The following RBBP4 variants were observed in gnomAD, a reference collection of about 807,000 sequenced individuals.
RBBP4 encodes RB binding protein 4, chromatin remodeling factor.
A neutral mutation model predicts 57.2 loss-of-function variants in RBBP4; 3 were observed. The ratio of observed to expected loss-of-function variants is 0.05; its 90% CI spans 0.02 to 0.14. The LOEUF (loss-of-function observed/expected upper bound fraction) is 0.14. RBBP4 is among the 10% of genes least tolerant of loss of function. The probability of loss-of-function intolerance (pLI) is 1.00; values close to 1 mark genes in which losing one functional copy is unlikely to be tolerated. For synonymous variants in RBBP4, 151 were observed against 171.5 expected (o/e 0.88, Z 0.93); for missense variants, 107 against 520.6 (o/e 0.21, Z 7.73).
intron 8 of RBBP4, among the ~76,000 whole-genome samples, chr1:32,670,994 C>G (rs1387075315): frequency 2.6e-5 from 4 of 152,118 alleles, no homozygotes; most frequent in African/African-American, 9.7e-5. Flanking sequence ...TGGACAGAAT[C>G]CAAATTCTTC....
Position 32,661,870 on chromosome 1 carries a change from C to CTTTTTTTTTTTTTTTTT in RBBP4, c.310+4318_310+4334dup, listed in dbSNP as rs71006354. 4.1e-5 allele frequency among the ~76,000 whole-genome samples: 2 copies of CTTTTTTTTTTTTTTTTT among 49,308 alleles called. 1 individual carries two copies. The highest frequency in any genetic ancestry group is 1.8e-4 in the African/African-American group (2 of 11,078). The allele number at this position is 49,308 out of a possible 152,430, so 32.3% of individuals were successfully genotyped here. On this transcript the variant is annotated intron_variant, in intron 3 of 11. Coordinates refer to ENST00000373493, the MANE Select transcript of RBBP4 (RefSeq NM_005610.3). ...AGTGTCTGTTCATGTCCTTTGCCCA[C>CTTTTTTTTTTTTTTTTT]TTTTTTTTTTTTTTTTTTTTTTTTT...
rs755014600 is a variant in RBBP4, at chr1:32,684,228, G to C, written c.*4523G>C. 6.2e-6 allele frequency: 10 copies of C among 1,613,746 alleles called. No individual in the cohort carries two copies. Among genetic ancestry groups the C allele is most frequent in the African/African-American group, 1.3e-5 (1 of 74,922 alleles). ...CCCACCATCCCCTCAGCCAGTATTA[G>C]ATGAGATTTGTATAGCAGCAGAAAC... On this transcript the variant is annotated 3_prime_UTR_variant, in exon 12 of 12. Coordinates refer to ENST00000373493, the MANE Select transcript of RBBP4 (RefSeq NM_005610.3).
In RBBP4 at chr1:32,680,542, A is replaced by G. The variant is rs1420301947; in HGVS notation, c.*837A>G. ...TTTTTTTAGGAGTTAGTCCTTGACC[A>G]CTAGTTTGATGCCATCTCCATTTTG... On this transcript the variant is annotated 3_prime_UTR_variant, in exon 12 of 12. Coordinates refer to ENST00000373493, the MANE Select transcript of RBBP4 (RefSeq NM_005610.3). The G allele has an allele frequency of 3.9e-6, 6 of 1,540,478 alleles. No homozygotes were observed. The highest frequency in any genetic ancestry group is 5.3e-6 in the Non-Finnish European group (6 of 1,140,116).
chr1:32,651,693 G>A, intron 1 of RBBP4: 3 of 763,736 alleles, frequency 3.9e-6, no homozygotes, highest in Non-Finnish European at 4.1e-6. Flanking sequence ...CGAAGGCCTG[G>A]CTGGCCCCTT....
chr1:32,659,092 A>G (rs1348165567), intron 3 of RBBP4, among the ~76,000 whole-genome samples: 2 of 147,576 alleles, frequency 1.4e-5, no homozygotes. Context: ...ATGTGTATAT[A>G]TTTATATTGT....
intron 1 of RBBP4, 168 bp downstream of exon 1, chr1:32,651,490 C>T (rs1054268045): frequency 3.7e-6 from 5 of 1,361,770 alleles, no homozygotes; most frequent in East Asian, 2.9e-5. Context: ...TCGCCAGTTC[C>T]CTGGGACCGA....
At chr1:32,666,695 G>A (rs1417903303) in intron 3 of RBBP4, among the ~76,000 whole-genome samples, 1 of 152,120 alleles carries the variant, frequency 6.6e-6, no homozygotes, top group East Asian at 1.9e-4. Flanking sequence ...GTATGTGGGC[G>A]AAGGATTACC....
chr1:32,684,033 C>T lies in RBBP4; in HGVS notation c.*4328C>T, dbSNP rs561381786. The T allele has an allele frequency of 1.9e-6, 3 of 1,614,222 alleles. No individual in the cohort carries two copies. The South Asian group carries it at 3.3e-5, about 18-fold the overall frequency. On this transcript the variant is annotated 3_prime_UTR_variant, in exon 12 of 12. Coordinates refer to ENST00000373493, the MANE Select transcript of RBBP4 (RefSeq NM_005610.3). ...ACCTTGAGACTGTGTCTCCATTCCACCTGCCTGAGAAGTGGGAGCATCAGC... is the reference window on the plus strand; with the variant it reads ...ACCTTGAGACTGTGTCTCCATTCCATCTGCCTGAGAAGTGGGAGCATCAGC...
chr1:32,676,827 C>T (rs1046261672), intron 11 of RBBP4, among the ~76,000 whole-genome samples: 1 of 151,996 alleles, frequency 6.6e-6, no homozygotes, highest in African/African-American at 2.4e-5. Flanking sequence ...CCTGTAGTCC[C>T]AGTTCCTTGG....
intron 3 of RBBP4, among the ~76,000 whole-genome samples, chr1:32,667,230 C>T (rs567109583): frequency 2.0e-5 from 3 of 152,308 alleles, no homozygotes; most frequent in South Asian, 2.1e-4. Context: ...ATGTTCCTCC[C>T]GTACTCCTGA....
At chr1:32,676,903 A>G (rs1159075720) in intron 11 of RBBP4, among the ~76,000 whole-genome samples, 1 of 152,114 alleles carries the variant, frequency 6.6e-6, no homozygotes, top group Non-Finnish European at 1.5e-5. Context: ...AGATGGCGCC[A>G]CTGCACTCCA....
At chr1:32,670,567 A>T (rs139342782) in intron 8 of RBBP4, among the ~76,000 whole-genome samples, 18 of 151,262 alleles carry the variant, frequency 1.2e-4, no homozygotes, top group East Asian at 3.9e-4. Context: ...CAATTTTTTT[A>T]TTTTTTTTTA....
chr1:32,655,945 C>T (rs752193478), intron 2 of RBBP4, among the ~76,000 whole-genome samples: 5 of 152,164 alleles, frequency 3.3e-5, no homozygotes, highest in Non-Finnish European at 7.3e-5. Context: ...GTTTCTGATT[C>T]AATGGGTCTG....
At chr1:32,665,498 T>C (rs1648605623) in intron 3 of RBBP4, among the ~76,000 whole-genome samples, 2 of 151,996 alleles carry the variant, frequency 1.3e-5, no homozygotes, top group South Asian at 4.1e-4. Context: ...GCCAACATGA[T>C]GAAACCCCGT....
chr1:32,675,952 T>G (rs2148531956), intron 11 of RBBP4, among the ~76,000 whole-genome samples: 1 of 151,914 alleles, frequency 6.6e-6, no homozygotes, highest in Non-Finnish European at 1.5e-5. Context: ...CCAGGCTTGG[T>G]GGTACGTGCC....
In RBBP4 at chr1:32,684,353, C is replaced by G; in HGVS notation, c.*4648C>G. 1 of 1,614,202 alleles carries G rather than the reference C, an allele frequency of 6.2e-7. No homozygotes were observed. Among genetic ancestry groups the G allele is most frequent in the Non-Finnish European group, 8.5e-7 (1 of 1,180,034 alleles). On this transcript the variant is annotated 3_prime_UTR_variant, in exon 12 of 12. Transcript: ENST00000373493. ...GTTGCACCCCATTTCTTAACTGCCT[C>G]TGGCGTTCTTCCATTTCCTCCAGCT...
intron 8 of RBBP4, among the ~76,000 whole-genome samples, chr1:32,670,869 TAGG>T (rs1648845914): frequency 6.6e-6 from 1 of 152,214 alleles, no homozygotes; most frequent in Non-Finnish European, 1.5e-5. Flanking sequence ...AACTGGGCTT[TAGG>T]TGAGCCATAC....
chr1:32,664,406 C>T (rs1648559014), intron 3 of RBBP4, among the ~76,000 whole-genome samples: 1 of 152,058 alleles, frequency 6.6e-6, no homozygotes. Flanking sequence ...GGCTTCTCCT[C>T]CTTTGTTATT....
rs963252908 is a variant in RBBP4 at position 32,684,683 on chromosome 1, G to A, written c.*4978G>A. On this transcript the variant is annotated 3_prime_UTR_variant, in exon 12 of 12. Coordinates refer to ENST00000373493, the MANE Select transcript of RBBP4 (RefSeq NM_005610.3). ...ATTACAACCTTAGTGTCATTGAGGA[G>A]GATTTTGGTCTAGTTAGTGGGCTGA... 3.1e-5 allele frequency: 9 copies of A among 289,432 alleles called. No individual in the cohort carries two copies. The highest frequency in any genetic ancestry group is 1.9e-4 in the African/African-American group (9 of 46,350). The allele number at this position is 289,432 out of a possible 1,614,324, so 17.9% of individuals were successfully genotyped here.
Sources: allele counts gnomAD v4.1 joint callset (sites outside exome capture counted in the v4.1 genomes callset), GRCh38; gene constraint gnomAD v4.1.1; transcripts MANE v1.5; gene names NCBI Gene and HGNC (gene_info 2026-07-23, HGNC 2026-07-21).